Variants in GAREM1 observed in about 807,000 individuals in gnomAD.
The protein encoded by GAREM1 is GRB2-associated and regulator of MAPK protein 1.
A neutral mutation model predicts 71.3 loss-of-function variants in GAREM1; 26 were observed. The observed-to-expected ratio is 0.36, with a 90% CI of 0.27 to 0.51. GAREM1 has a LOEUF of 0.51. GAREM1 is among the 20% of genes least tolerant of loss of function. The probability of loss-of-function intolerance (pLI) is 0.95; values close to 1 mark genes in which losing one functional copy is unlikely to be tolerated. For missense variants in GAREM1, 1,026 were observed against 1,103.1 expected (o/e 0.93, Z 0.99); for synonymous variants, 440 against 433.2 (o/e 1.02, Z -0.20).
At chr18:32,420,937 GTATC>G (rs2048514492) in intron 1 of GAREM1, among the ~76,000 whole-genome samples, 1 of 152,078 alleles carries the variant, frequency 6.6e-6, no homozygotes, top group Admixed American at 6.5e-5. Context: ...TCCTTCCTCA[GTATC>G]TGCGCTGCAT....
chr18:32,290,516 G>A (rs977938973), intron 3 of GAREM1, among the ~76,000 whole-genome samples: 26 of 151,838 alleles, frequency 1.7e-4, no homozygotes, highest in African/African-American at 5.3e-4. Context: ...ATGGTGGCAC[G>A]TGACTGTAGT....
chr18:32,387,680 G>A (rs1021879367), intron 2 of GAREM1, among the ~76,000 whole-genome samples: 1 of 152,166 alleles, frequency 6.6e-6, no homozygotes, highest in African/African-American at 2.4e-5. Flanking sequence ...CCAGAATAGG[G>A]AATGTCTTTA....
In GAREM1 at chr18:32,288,199, G is replaced by A; in HGVS notation, c.398C>T (p.Ala133Val). 1 of 1,596,368 alleles carries A rather than the reference G, an allele frequency of 6.3e-7. No homozygotes were observed. The highest frequency in any genetic ancestry group is 8.5e-7 in the Non-Finnish European group (1 of 1,171,404). Reference protein sequence around the residue: ...MEDITFNVKVASGECNEDTEV... With the variant: ...MEDITFNVKVVSGECNEDTEV... ...AGTGTCTTCATTGCATTCACCTGAA[G>A]CAACCTACAATATAATAAATCACAT... The change falls in exon 4 of 6, where the codon GCT becomes GTT. Residue 133 changes from alanine to valine, a missense_variant. Around this residue, in one of 3 missense-constraint regions of GAREM1, gnomAD observed 172 missense variants for 175.2 expected, o/e 0.98. Transcript: ENST00000269209.
chr18:32,453,383 C>T (rs544566722), intron 1 of GAREM1, among the ~76,000 whole-genome samples: 80 of 152,248 alleles, frequency 5.3e-4, no homozygotes, highest in South Asian at 1.9e-3. Context: ...AACTGAATGG[C>T]ATCAAACAAT....
At position 32,267,888 on chromosome 18, in the gene GAREM1, A is replaced by G; in HGVS notation, c.2614T>C (p.Trp872Arg). The G allele has an allele frequency of 6.2e-7, 1 of 1,611,072 alleles. No homozygotes were observed. The highest frequency in any genetic ancestry group is 8.5e-7 in the Non-Finnish European group (1 of 1,177,674). ...VKKIMQFINGWRPKI is the reference protein window; with the variant it reads ...VKKIMQFINGRRPKI ...TTATTTGGCTATATTTTGGGCCTCC[A>G]GCCATTAATGAATTGCATTATCTTC... The change falls in exon 6 of 6, where the codon TGG becomes CGG. Residue 872 changes from tryptophan (W) to arginine (R), a missense_variant. This residue lies in a region of GAREM1 where 636 missense variants were observed against 631.2 expected (regional missense o/e 1.01). Coordinates refer to ENST00000269209, the MANE Select transcript of GAREM1 (RefSeq NM_001242409.2).
intron 2 of GAREM1, among the ~76,000 whole-genome samples, chr18:32,358,634 T>C (rs997592385): frequency 2.6e-5 from 4 of 152,232 alleles, no homozygotes; most frequent in African/African-American, 7.2e-5. Flanking sequence ...AATTAACCCA[T>C]AGAAGCCACC....
At chr18:32,319,392 G>C (rs1428547341) in intron 2 of GAREM1, among the ~76,000 whole-genome samples, 1 of 152,206 alleles carries the variant, frequency 6.6e-6, no homozygotes, top group Admixed American at 6.5e-5. Flanking sequence ...TAGAGTTTCT[G>C]TGGGATGAAA....
In GAREM1 at chr18:32,287,364, T is replaced by A. The variant is rs1317310016; in HGVS notation, c.1233A>T (p.Gly411=). The change falls in exon 4 of 6, where the codon GGA becomes GGT. Residue 411 remains glycine, a synonymous_variant. Transcript: ENST00000269209. This position sits in a 1 kb window ranked among gnomAD's most constrained non-coding sequence, Gnocchi z 5.9. ...VNLHGCRDLG[G]DWAPFPHDIL... ...TGTCATGAGGAAAGGGAGCCCAATC[T>A]CCCCCCAGGTCCCTGCAACCATGAA... The A allele has an allele frequency of 6.2e-7, 1 of 1,613,862 alleles. No individual in the cohort carries two copies. The highest frequency in any genetic ancestry group is 1.7e-5 in the Admixed American group (1 of 59,968).
At chr18:32,431,258 A>G (rs1046098014) in intron 1 of GAREM1, among the ~76,000 whole-genome samples, 16 of 152,246 alleles carry the variant, frequency 1.1e-4, no homozygotes, top group African/African-American at 3.6e-4. Context: ...TCCTCAGGAT[A>G]CTATCGAATA....
At chr18:32,419,194 C>A (rs2048496483) in intron 1 of GAREM1, among the ~76,000 whole-genome samples, 1 of 152,242 alleles carries the variant, frequency 6.6e-6, no homozygotes, top group South Asian at 2.1e-4. Flanking sequence ...AAATCCCTCT[C>A]AGGCTTCAAA....
intron 1 of GAREM1, among the ~76,000 whole-genome samples, chr18:32,402,913 T>C (rs1206707614): frequency 2.6e-5 from 4 of 152,106 alleles, no homozygotes; most frequent in Non-Finnish European, 1.5e-5. Flanking sequence ...TTCAATCTTT[T>C]CTTTCCTTCT....
Position 32,268,017 on chromosome 18 carries a change from C to T in GAREM1, c.2485G>A (p.Val829Ile). 2 of 1,614,118 alleles carry T rather than the reference C, an allele frequency of 1.2e-6. No individual in the cohort carries two copies. The highest frequency in any genetic ancestry group is 2.2e-5 in the South Asian group (2 of 91,070). ...SLRFIGLSEDVISFFVTEKID... is the reference protein window; with the variant it reads ...SLRFIGLSEDIISFFVTEKID... ...TTTTCAGTAACAAAGAATGATATGACATCTTCGGACAAACCAATGAACCGT... is the reference window on the plus strand; with the variant it reads ...TTTTCAGTAACAAAGAATGATATGATATCTTCGGACAAACCAATGAACCGT... Residue 829 changes from valine to isoleucine, a missense_variant, in exon 6 of 6, where the codon GTC becomes ATC. By Grantham distance (29) the Val-to-Ile change is conservative. This residue lies in a region of GAREM1 where 636 missense variants were observed against 631.2 expected (regional missense o/e 1.01). Transcript: ENST00000269209.
At chr18:32,450,360 G>A (rs2048824282) in intron 1 of GAREM1, among the ~76,000 whole-genome samples, 4 of 152,076 alleles carry the variant, frequency 2.6e-5, no homozygotes. Context: ...TCCTGTTTAA[G>A]TGATTAATTC....
intron 1 of GAREM1, among the ~76,000 whole-genome samples, chr18:32,402,535 T>A (rs576383563): frequency 6.6e-6 from 1 of 152,164 alleles, no homozygotes; most frequent in Non-Finnish European, 1.5e-5. Flanking sequence ...GAGCCACTTT[T>A]CTGATCCCTC....
In GAREM1 at chr18:32,369,338, T is replaced by C. The variant is rs548783504; in HGVS notation, c.262+23557A>G. ...TTAGGAATTAGTCAGAGAGTATTTC[T>C]GAAGCCTGTCACTTTACCAATCTGA... On this transcript the variant is annotated intron_variant, in intron 2 of 5. Coordinates refer to ENST00000269209, the MANE Select transcript of GAREM1 (RefSeq NM_001242409.2). Among the ~76,000 whole-genome samples the C allele has an allele frequency of 2.0e-5, 3 of 152,360 alleles. No individual in the cohort carries two copies. In the South Asian group the frequency reaches 6.2e-4, roughly 32 times the overall value.
At chr18:32,459,550 C>G (rs574315273) in intron 1 of GAREM1, among the ~76,000 whole-genome samples, 299 of 152,220 alleles carry the variant, frequency 2.0e-3, no homozygotes, top group Middle Eastern at 6.8e-3. Flanking sequence ...GTAATCTGAA[C>G]CTCCTAAAGT....
At chr18:32,408,699 G>C (rs1207467095) in intron 1 of GAREM1, among the ~76,000 whole-genome samples, 3 of 152,094 alleles carry the variant, frequency 2.0e-5, no homozygotes, top group Non-Finnish European at 4.4e-5. Context: ...TAAACATGCA[G>C]CACAGAAATT....
chr18:32,273,617 G>A (rs2041496185), intron 4 of GAREM1, among the ~76,000 whole-genome samples: 1 of 152,166 alleles, frequency 6.6e-6, no homozygotes, highest in South Asian at 2.1e-4. Flanking sequence ...AACTGGGAGT[G>A]TTTATGGTTG....
At chr18:32,394,521 T>C (rs2048232134) in intron 1 of GAREM1, among the ~76,000 whole-genome samples, 3 of 152,016 alleles carry the variant, frequency 2.0e-5, no homozygotes, top group South Asian at 4.2e-4. Context: ...GAAAAATAGA[T>C]CTGGAAGTGG....
Sources: gnomAD v4.1 joint callset for allele counts (sites outside exome capture counted in the v4.1 genomes callset) on GRCh38, gnomAD v4.1.1 for gene constraint, gnomAD v4.1.1 regional missense constraint, Gnocchi (gnomAD v3.1) non-coding constraint, MANE v1.5 for transcripts, NCBI Gene and HGNC (gene_info 2026-07-23, HGNC 2026-07-21) for gene names.